Variants in GABRG2 observed in about 807,000 individuals in gnomAD.
GABRG2 encodes gamma-aminobutyric acid receptor subunit gamma-2.
GABRG2 carries 16 observed loss-of-function variants against 56.4 expected under a neutral mutation model. The ratio of observed to expected loss-of-function variants is 0.28; its 90% CI spans 0.19 to 0.43. The LOEUF is 0.43. Ranked by LOEUF, GABRG2 falls within the 20% of genes least tolerant of loss-of-function variation. GABRG2 has a pLI of 1.00. For missense variants in GABRG2, 327 were observed against 582.7 expected, an observed-to-expected ratio of 0.56 and a Z score of 4.52; for synonymous variants, 208 against 205.5, an observed-to-expected ratio of 1.01 and a Z score of -0.10.
intron 5 of GABRG2, chr5:162,103,687 G>A: frequency 1.7e-6 from 1 of 605,074 alleles, no homozygotes; most frequent in Non-Finnish European, 2.9e-6. Context: ...TTTGACCTTT[G>A]GATTTTTGAA....
At chr5:162,146,348 C>T (rs1764947997) in intron 7 of GABRG2, among the ~76,000 whole-genome samples, 1 of 152,050 alleles carries the variant, frequency 6.6e-6, no homozygotes, top group South Asian at 2.1e-4. Flanking sequence ...CCAATGCTCA[C>T]TGTTTGTCAC....
intron 9 of GABRG2, chr5:162,152,772 C>T (rs1765464861): frequency 1.7e-6 from 1 of 577,480 alleles, no homozygotes; most frequent in African/African-American, 1.9e-5. Context: ...ACCAATGTCA[C>T]ATCTAATACT....
At chr5:162,139,624 A>G (rs1764405473) in intron 6 of GABRG2, among the ~76,000 whole-genome samples, 1 of 152,220 alleles carries the variant, frequency 6.6e-6, no homozygotes, top group Admixed American at 6.5e-5. Context: ...TTATCTTGTT[A>G]ACTTTGGACA....
At chr5:162,084,293 G>A (rs1178725387) in intron 1 of GABRG2, among the ~76,000 whole-genome samples, 4 of 151,804 alleles carry the variant, frequency 2.6e-5, no homozygotes, top group South Asian at 2.1e-4. Context: ...GATGTCCCAA[G>A]CCTTAGGAAA....
intron 4 of GABRG2, 200 bp downstream of exon 4, chr5:162,098,058 A>C: frequency 1.7e-6 from 1 of 588,150 alleles, no homozygotes; most frequent in South Asian, 2.1e-5. Flanking sequence ...TCAAAGCACT[A>C]ATTATAGGCA....
At chr5:162,104,463 T>A (rs1434942021) in intron 6 of GABRG2, among the ~76,000 whole-genome samples, 1 of 152,098 alleles carries the variant, frequency 6.6e-6, no homozygotes, top group Non-Finnish European at 1.5e-5. Context: ...ATCTTATCCA[T>A]CAGTGGATAA....
rs75621937 is a variant in GABRG2 at position 162,124,744 on chromosome 5, T to C, written c.770-17420T>C. Among the ~76,000 whole-genome samples, 64 of 151,900 alleles carry C rather than the reference T, an allele frequency of 4.2e-4. 1 individual carries two copies. The highest frequency in any genetic ancestry group is 1.4e-3 in the African/African-American group (58 of 41,482). On this transcript the variant is annotated intron_variant, in intron 6 of 9. Transcript: ENST00000639213. ...ATCTCAAAAAAGCACTATTTCTTAA[T>C]GCGCCGCATGACACACAGTGCTAGA...
chr5:162,129,474 T>G (rs1763567190), intron 6 of GABRG2, among the ~76,000 whole-genome samples: 1 of 151,714 alleles, frequency 6.6e-6, no homozygotes, highest in Non-Finnish European at 1.5e-5. Context: ...TGAAAACATT[T>G]AAAAAGTGAA....
intron 1 of GABRG2, among the ~76,000 whole-genome samples, chr5:162,078,701 G>T (rs1474380758): frequency 1.3e-5 from 2 of 151,336 alleles, no homozygotes; most frequent in African/African-American, 4.8e-5. Flanking sequence ...CACCGTGCCC[G>T]GCCACCCCGA....
intron 6 of GABRG2, among the ~76,000 whole-genome samples, chr5:162,108,276 A>G (rs752147232): frequency 9.2e-5 from 14 of 152,306 alleles, no homozygotes; most frequent in Middle Eastern, 3.4e-3. Flanking sequence ...TCATGTCTCA[A>G]TAATTCAGTA....
At chr5:162,086,743 A>ATT (rs1470702513) in intron 1 of GABRG2, among the ~76,000 whole-genome samples, 1 of 151,850 alleles carries the variant, frequency 6.6e-6, no homozygotes, top group Non-Finnish European at 1.5e-5. Flanking sequence ...TCAGATTTTT[A>ATT]TTTTTCAAAT....
chr5:162,085,000 CCACTTCAGGT>C (rs1759953363), intron 1 of GABRG2, among the ~76,000 whole-genome samples: 1 of 151,762 alleles, frequency 6.6e-6, no homozygotes, highest in Non-Finnish European at 1.5e-5. Flanking sequence ...AATTATGAAC[CCACTTCAGGT>C]TACTGCCTTT....
chr5:162,094,655 G>A (rs1246804890), intron 2 of GABRG2: 2 of 152,878 alleles, frequency 1.3e-5, no homozygotes, highest in African/African-American at 4.8e-5. Flanking sequence ...AAAGTCGAGA[G>A]GCAGAGGAAT....
chr5:162,100,748 C>G (rs946819953), intron 4 of GABRG2, among the ~76,000 whole-genome samples: 1 of 152,154 alleles, frequency 6.6e-6, no homozygotes, highest in Non-Finnish European at 1.5e-5. Flanking sequence ...TTGTGCAACA[C>G]AGGTATTTGT....
intron 6 of GABRG2, among the ~76,000 whole-genome samples, chr5:162,128,823 C>T (rs1185202008): frequency 2.0e-5 from 3 of 151,900 alleles, no homozygotes; most frequent in Admixed American, 6.6e-5. Flanking sequence ...CTGTGCATGT[C>T]TTTTAATGGA....
chr5:162,154,782 G>A lies in GABRG2; in HGVS notation c.*1414G>A, dbSNP rs1033085775. ...TTCATACCTGACTAGTGTTCAGAATGTAGCATTCTGTGCGAAAAAGTATTG... is the reference window on the plus strand; with the variant it reads ...TTCATACCTGACTAGTGTTCAGAATATAGCATTCTGTGCGAAAAAGTATTG... On this transcript the variant is annotated 3_prime_UTR_variant, in exon 10 of 10. Transcript: ENST00000639213. 3 of 151,804 alleles carry A rather than the reference G, an allele frequency of 2.0e-5. No homozygotes were observed. Among genetic ancestry groups the A allele is most frequent in the Non-Finnish European group, 4.4e-5 (3 of 67,978 alleles). The allele number at this position is 151,804 out of a possible 1,614,324, so 9.4% of individuals were successfully genotyped here.
chr5:162,082,606 T>C (rs1237032641), intron 1 of GABRG2, among the ~76,000 whole-genome samples: 1 of 151,700 alleles, frequency 6.6e-6, no homozygotes, highest in Non-Finnish European at 1.5e-5. Context: ...TTTAAAAAAG[T>C]AATAATTCTA....
At chr5:162,124,750 G>C (rs187087406) in intron 6 of GABRG2, among the ~76,000 whole-genome samples, 1 of 151,678 alleles carries the variant, frequency 6.6e-6, no homozygotes, top group African/African-American at 2.4e-5. Flanking sequence ...TTAATGCGCC[G>C]CATGACACAC....
At chr5:162,151,440 G>T in intron 8 of GABRG2, 1 of 322,236 alleles carries the variant, frequency 3.1e-6, no homozygotes, top group Non-Finnish European at 5.6e-6. Flanking sequence ...GGGGAACCAG[G>T]CAATAGAAAA....
Sources: gnomAD v4.1 joint callset for allele counts (sites outside exome capture counted in the v4.1 genomes callset) on GRCh38, gnomAD v4.1.1 for gene constraint, MANE v1.5 for transcripts, NCBI Gene and HGNC (gene_info 2026-07-23, HGNC 2026-07-21) for gene names.